The following TRRAP variants were observed in gnomAD, a reference collection of about 807,000 sequenced individuals.
The protein encoded by TRRAP is transformation/transcription domain-associated protein.
TRRAP carries 41 observed loss-of-function variants against 438.8 expected under a neutral mutation model. The ratio of observed to expected loss-of-function variants is 0.09; its 90% CI spans 0.07 to 0.12. The LOEUF (loss-of-function observed/expected upper bound fraction) is 0.12. Ranked by LOEUF, TRRAP falls within the 10% of genes least tolerant of loss-of-function variation. The pLI, the probability that TRRAP is intolerant of heterozygous loss-of-function variation, is 1.00. For synonymous variants in TRRAP, 1,994 were observed against 1,962.9 expected (o/e 1.02, Z -0.42); for missense variants, 3,122 against 5,055.1 (o/e 0.62, Z 11.60).
rs551543162 is a variant in TRRAP at position 98,975,940 on chromosome 7, T to C, written c.7840-209T>C. The C allele has an allele frequency of 1.4e-5, 8 of 580,306 alleles. No homozygotes were observed. In the Admixed American group the frequency reaches 2.1e-4, roughly 15 times the overall value. 35.9% of individuals were successfully genotyped at this position (580,306 alleles called of 1,614,324 possible). A position where few individuals can be genotyped will look rare whatever the true frequency, so the allele number is the denominator to read the frequency against. ...CCATTGCTGAGCCTCTCGGGATGCCTGGGCTTGGCTGCTAAGTGCACCATG... is the reference window on the plus strand; with the variant it reads ...CCATTGCTGAGCCTCTCGGGATGCCCGGGCTTGGCTGCTAAGTGCACCATG... On this transcript the variant is annotated intron_variant, in intron 53 of 72. Coordinates refer to ENST00000456197, the MANE Select transcript of TRRAP (RefSeq NM_001375524.1).
At chr7:98,968,090 C>T (rs1792238796) in intron 51 of TRRAP, among the ~76,000 whole-genome samples, 1 of 151,844 alleles carries the variant, frequency 6.6e-6, no homozygotes, top group African/African-American at 2.4e-5. Flanking sequence ...ATGATCTCAG[C>T]TCACTGCAAC....
chr7:98,959,742 A>G (rs1396029168), intron 45 of TRRAP, among the ~76,000 whole-genome samples: 2 of 152,042 alleles, frequency 1.3e-5, no homozygotes, highest in African/African-American at 2.4e-5. Context: ...TGGGCAGCAT[A>G]GTGAGATCCC....
intron 48 of TRRAP, among the ~76,000 whole-genome samples, chr7:98,965,357 G>A (rs746612666): frequency 6.6e-6 from 1 of 152,198 alleles, no homozygotes; most frequent in Non-Finnish European, 1.5e-5. Context: ...ATGCTGTGTG[G>A]GGGTGTGGGG....
chr7:98,890,226 G>T (rs781904404), intron 3 of TRRAP, 109 bp from the exon 4 acceptor site: 3 of 541,090 alleles, frequency 5.5e-6, no homozygotes, highest in Non-Finnish European at 8.7e-6. Flanking sequence ...GCACAAATTT[G>T]CTTTTGGCTA....
rs45586131 is a variant in TRRAP, at chr7:98,955,087, C to T, written c.5731-11C>T. On this transcript the variant is annotated splice_polypyrimidine_tract_variant and intron_variant, in intron 40 of 72. Transcript: ENST00000456197. ...TTCTCATCCTCCATAAACGTCTCTT[C>T]CCTGTTTTAGGTTTTTCATAGTCTC... 1.0e-2 allele frequency: 16,022 copies of T among 1,606,706 alleles called. 110 individuals are homozygous for T. Among genetic ancestry groups the T allele is most frequent in the Middle Eastern group, 0.026 (157 of 6,026 alleles).
rs565885154 is a variant in TRRAP, at chr7:98,983,679, C to G, written c.9022+220C>G. On this transcript the variant is annotated intron_variant, in intron 60 of 72. Transcript: ENST00000456197. ...TTGTTTTTTGTTTCTGTACCTGTTA[C>G]ATTTTTCTAGTTGGGGCAGAATCGT... is the stretch of plus-strand genomic sequence containing the variant. Among the ~76,000 whole-genome samples the G allele has an allele frequency of 7.2e-5, 11 of 152,182 alleles. No homozygotes were observed. In the South Asian group the frequency reaches 1.9e-3, roughly 26 times the overall value.
At chr7:98,935,499 T>C in intron 27 of TRRAP, 80 bp from the exon 28 acceptor site, 1 of 1,236,948 alleles carries the variant, frequency 8.1e-7, no homozygotes, top group East Asian at 2.4e-5. Flanking sequence ...GTGTGGAAGA[T>C]TGCTGTGTTC....
intron 62 of TRRAP, among the ~76,000 whole-genome samples, chr7:98,986,516 T>C (rs1339956969): frequency 6.6e-6 from 1 of 152,256 alleles, no homozygotes; most frequent in Non-Finnish European, 1.5e-5. Context: ...TGGTTTTGAA[T>C]TGCATTTTCC....
chr7:98,925,498 C>T (rs189740259), intron 22 of TRRAP, among the ~76,000 whole-genome samples: 7 of 152,304 alleles, frequency 4.6e-5, no homozygotes, highest in Admixed American at 2.0e-4. Context: ...GTCTTGTCAC[C>T]TCCTCCATTA....
chr7:98,978,173 T>C (rs765457426), intron 56 of TRRAP, 38 bp from the exon 57 acceptor site: 10 of 1,522,216 alleles, frequency 6.6e-6, no homozygotes, highest in Non-Finnish European at 9.0e-6. Flanking sequence ...GGTGTGTTTC[T>C]AGTTAAACAG....
rs1387577617 is a variant in TRRAP, at chr7:98,897,977, G to A, written c.633+111G>A. The A allele has an allele frequency of 7.9e-6, 12 of 1,527,178 alleles. No homozygotes were observed. The Admixed American group carries it at 2.2e-4, about 28-fold the overall frequency. The allele number at this position is 1,527,178 out of a possible 1,614,324, so 94.6% of individuals were successfully genotyped here. A position where few individuals can be genotyped will look rare whatever the true frequency, so the allele number is the denominator to read the frequency against. ...ACTTGGAGGCATTTAAGACAAACGTGTGTGCCTGGCAAAGCATCACTGGTC... is the reference window on the plus strand; with the variant it reads ...ACTTGGAGGCATTTAAGACAAACGTATGTGCCTGGCAAAGCATCACTGGTC... On this transcript the variant is annotated intron_variant, in intron 8 of 72. Coordinates refer to ENST00000456197, the MANE Select transcript of TRRAP (RefSeq NM_001375524.1).
At chr7:98,893,776 T>G (rs1796076931) in intron 5 of TRRAP, 22 bp from the exon 6 acceptor site, 3 of 1,607,918 alleles carry the variant, frequency 1.9e-6, no homozygotes, top group Non-Finnish European at 2.6e-6. Flanking sequence ...AAGTATAACT[T>G]TCATTAAATG....
intron 64 of TRRAP, among the ~76,000 whole-genome samples, chr7:98,991,658 G>A (rs1793438434): frequency 6.6e-6 from 1 of 152,170 alleles, no homozygotes; most frequent in Non-Finnish European, 1.5e-5. Flanking sequence ...CAATCAAATG[G>A]GAGTTTCTTA....
rs376147112 is a variant in TRRAP at position 98,948,368 on chromosome 7, C to T, written c.4668+28C>T. On this transcript the variant is annotated intron_variant, in intron 34 of 72. Transcript: ENST00000456197. The surrounding 1 kb of genome is among the most constrained non-coding windows in gnomAD (Gnocchi z 4.9). Reference sequence around the variant, plus strand: ...AAGGGCCATACTGAAGGCTGCTTCTCGCTCTGCCACCCTCCGGTGCTTATA... The same window carrying T: ...AAGGGCCATACTGAAGGCTGCTTCTTGCTCTGCCACCCTCCGGTGCTTATA... The T allele has an allele frequency of 4.3e-5, 70 of 1,613,834 alleles. 1 individual carries two copies. Among genetic ancestry groups the T allele is most frequent in the East Asian group, 2.7e-4 (12 of 44,872 alleles).
At position 98,956,157 on chromosome 7, in the gene TRRAP, G is replaced by A. The variant is rs368903345; in HGVS notation, c.5949G>A (p.Pro1983=). The change falls in exon 42 of 73, where the codon CCG becomes CCA. Residue 1983 remains proline (P), a synonymous_variant. Transcript: ENST00000456197. The surrounding 1 kb of genome is among the most constrained non-coding windows in gnomAD (Gnocchi z 4.5). Reference sequence around the variant, plus strand: ...CCCTGCGTCCGCAGGTGTACTACCCGGTACGGCACCACTTGGTGCAGCACA... The same window carrying A: ...CCCTGCGTCCGCAGGTGTACTACCCAGTACGGCACCACTTGGTGCAGCACA... ...LIVQHFKVYY[P]VRHHLVQHMV... 9.8e-5 allele frequency: 158 copies of A among 1,611,760 alleles called. No homozygotes were observed. Among genetic ancestry groups the A allele is most frequent in the Non-Finnish European group, 1.3e-4 (150 of 1,179,848 alleles).
At chr7:98,907,344 A>T (rs1484005290) in intron 13 of TRRAP, among the ~76,000 whole-genome samples, 1 of 152,132 alleles carries the variant, frequency 6.6e-6, no homozygotes, top group Non-Finnish European at 1.5e-5. Flanking sequence ...AAGTAGTGAT[A>T]ATGGTTACTA....
chr7:98,918,385 C>T (rs1399261892), intron 20 of TRRAP, among the ~76,000 whole-genome samples: 4 of 151,870 alleles, frequency 2.6e-5, no homozygotes, highest in African/African-American at 9.7e-5. Context: ...CGCGTACCAC[C>T]ATGCCTGGCT....
At position 98,956,136 on chromosome 7, in the gene TRRAP, G is replaced by A; in HGVS notation, c.5938-10G>A. 2 of 1,606,544 alleles carry A rather than the reference G, an allele frequency of 1.2e-6. No homozygotes were observed. The highest frequency in any genetic ancestry group is 1.7e-6 in the Non-Finnish European group (2 of 1,176,490). On this transcript the variant is annotated splice_polypyrimidine_tract_variant and intron_variant, in intron 41 of 72. Coordinates refer to ENST00000456197, the MANE Select transcript of TRRAP (RefSeq NM_001375524.1). The surrounding 1 kb of genome is among the most constrained non-coding windows in gnomAD (Gnocchi z 4.5). ...CATGTTCCGGCGTGATGCTGGCCCT[G>A]CGTCCGCAGGTGTACTACCCGGTAC...
chr7:98,942,646 TTCCAA>T (rs1790848401), intron 30 of TRRAP, among the ~76,000 whole-genome samples: 1 of 152,190 alleles, frequency 6.6e-6, no homozygotes, highest in South Asian at 2.1e-4. Context: ...GAGCCGACAC[TTCCAA>T]GCACTCAGTG....
Sources: gnomAD v4.1 joint callset for allele counts (sites outside exome capture counted in the v4.1 genomes callset) on GRCh38, gnomAD v4.1.1 for gene constraint, Gnocchi (gnomAD v3.1) non-coding constraint, MANE v1.5 for transcripts, NCBI Gene and HGNC (gene_info 2026-07-23, HGNC 2026-07-21) for gene names.